The following PTH2R variants were observed in gnomAD, a reference collection of about 807,000 sequenced individuals.
PTH2R encodes parathyroid hormone 2 receptor, also known as PTH2 receptor.
A neutral mutation model predicts 60.3 loss-of-function variants in PTH2R; 59 were observed. The observed-to-expected ratio is 0.98, with a 90% CI of 0.79 to 1.22. PTH2R has a LOEUF of 1.22. PTH2R is among the 50% of genes most tolerant of loss of function. PTH2R has a pLI of 0.00. For synonymous variants in PTH2R, 256 were observed against 243.8 expected (o/e 1.05, Z -0.47); for missense variants, 749 against 682.6 (o/e 1.10, Z -1.08).
exon 1 of PTH2R, chr2:208,359,745 AG>A (rs1700403857): frequency 6.5e-6 from 1 of 153,348 alleles, no homozygotes. Flanking sequence ...CCACTACGTG[AG>A]GGGAGGCTTC....
At chr2:208,369,101 C>G (rs994451267) in intron 1 of PTH2R, among the ~76,000 whole-genome samples, 9 of 152,034 alleles carry the variant, frequency 5.9e-5, no homozygotes, top group African/African-American at 2.2e-4. Flanking sequence ...TGACCAGCAC[C>G]CATGACTATA....
At chr2:208,486,627 T>A (rs1358005580) in intron 10 of PTH2R, among the ~76,000 whole-genome samples, 1 of 152,182 alleles carries the variant, frequency 6.6e-6, no homozygotes, top group African/African-American at 2.4e-5. Context: ...CTTTCAAGGT[T>A]TTGCAAGTGA....
At chr2:208,463,081 G>T (rs1158820211) in intron 9 of PTH2R, among the ~76,000 whole-genome samples, 1 of 152,110 alleles carries the variant, frequency 6.6e-6, no homozygotes, top group Non-Finnish European at 1.5e-5. Context: ...AAGGACATGG[G>T]GCTGAGAGAG....
intron 12 of PTH2R, among the ~76,000 whole-genome samples, chr2:208,491,656 G>C (rs941799839): frequency 3.3e-5 from 5 of 151,986 alleles, no homozygotes; most frequent in Non-Finnish European, 5.9e-5. Context: ...GCAGCTGCAG[G>C]CACAGCCCCT....
In PTH2R at chr2:208,378,804, C is replaced by G. The variant is rs1396136196; in HGVS notation, c.-259+18567C>G. ...TTTGTTATAGCAGCCTGAATGGACT[C>G]AGGCGGTAGGCAAGAGGAGGACAGT... On this transcript the variant is annotated intron_variant, in intron 1 of 12. Coordinates refer to the PTH2R transcript ENST00000617735. 2.6e-5 allele frequency among the ~76,000 whole-genome samples: 4 copies of G among 152,122 alleles called. No homozygotes were observed. In the East Asian group the frequency reaches 5.8e-4, roughly 22 times the overall value.
In PTH2R at chr2:208,490,636, C is replaced by A. The variant is rs1396854279; in HGVS notation, c.1216-3C>A. 3.5e-5 allele frequency: 57 copies of A among 1,609,412 alleles called. No individual in the cohort carries two copies. Among genetic ancestry groups the A allele is most frequent in the Non-Finnish European group, 4.7e-5 (55 of 1,178,968 alleles). On this transcript the variant is annotated splice_polypyrimidine_tract_variant and splice_region_variant and intron_variant, in intron 11 of 12. Coordinates refer to ENST00000272847, the MANE Select transcript of PTH2R (RefSeq NM_005048.4). The stretch of plus-strand genomic sequence containing the variant: ...GTGGGCTGACTTTCTCTTTTGTCTG[C>A]AGGGTTTCTTTGTGTCTATCATCTA...
At chr2:208,402,885 C>T (rs183431158), upstream of PTH2R, among the ~76,000 whole-genome samples, 2 of 152,250 alleles carry the variant, frequency 1.3e-5, no homozygotes, top group East Asian at 1.9e-4. Context: ...TATAGGGGCA[C>T]GGTAGAATAG....
intron 1 of PTH2R, among the ~76,000 whole-genome samples, chr2:208,410,582 A>G (rs569187782): frequency 2.0e-5 from 3 of 152,206 alleles, no homozygotes; most frequent in Non-Finnish European, 4.4e-5. Context: ...ATAATGGGGT[A>G]TTGTGTAGCA....
chr2:208,466,192 AT>A (rs895603948), intron 9 of PTH2R: 22 of 151,596 alleles, frequency 1.5e-4, no homozygotes, highest in East Asian at 5.8e-4. Flanking sequence ...AGAGCTTTTC[AT>A]TTTTTTTTCT....
chr2:208,371,522 C>A (rs1458685655), intron 1 of PTH2R, among the ~76,000 whole-genome samples: 1 of 152,114 alleles, frequency 6.6e-6, no homozygotes, highest in African/African-American at 2.4e-5. Context: ...AACTTTTCTC[C>A]TGTTAATGTA....
At chr2:208,365,947 T>G (rs560409362) in intron 1 of PTH2R, among the ~76,000 whole-genome samples, 1 of 19,816 alleles carries the variant, frequency 5.0e-5, no homozygotes, top group African/African-American at 1.5e-4. Context: ...TATATATATA[T>G]ATATATATAT....
At chr2:208,485,289 C>A (rs760749678) in intron 10 of PTH2R, among the ~76,000 whole-genome samples, 1 of 152,172 alleles carries the variant, frequency 6.6e-6, no homozygotes, top group Non-Finnish European at 1.5e-5. Context: ...AGTCCCAAAA[C>A]CACCTGACTT....
intron 1 of PTH2R, among the ~76,000 whole-genome samples, chr2:208,401,650 G>A (rs13397965): frequency 0.13 from 19,073 of 151,808 alleles, 1,347 homozygotes; most frequent in African/African-American, 0.19. Flanking sequence ...TGTTCTGCCC[G>A]TCTCCTGCTT....
chr2:208,384,555 T>C (rs1700971071), intron 1 of PTH2R, among the ~76,000 whole-genome samples: 1 of 152,158 alleles, frequency 6.6e-6, no homozygotes, highest in Non-Finnish European at 1.5e-5. Context: ...TAAAAAAGAT[T>C]GTCAATTCAG....
At chr2:208,422,483 G>A (rs968799627) in intron 1 of PTH2R, among the ~76,000 whole-genome samples, 1 of 152,082 alleles carries the variant, frequency 6.6e-6, no homozygotes, top group African/African-American at 2.4e-5. Context: ...CTTTCCAAGA[G>A]AATATTATAT....
intron 1 of PTH2R, among the ~76,000 whole-genome samples, chr2:208,373,656 G>A (rs1471089114): frequency 6.6e-6 from 1 of 152,078 alleles, no homozygotes; most frequent in Non-Finnish European, 1.5e-5. Context: ...GCAGTGGTGA[G>A]CAGTGGCCAC....
At chr2:208,385,434 C>T (rs948465015) in intron 1 of PTH2R, among the ~76,000 whole-genome samples, 3 of 151,920 alleles carry the variant, frequency 2.0e-5, no homozygotes, top group African/African-American at 7.2e-5. Flanking sequence ...TGCAAATCAA[C>T]ACACCTTTCC....
intron 1 of PTH2R, among the ~76,000 whole-genome samples, chr2:208,377,258 C>T (rs1574818852): frequency 1.3e-5 from 2 of 152,226 alleles, no homozygotes; most frequent in East Asian, 3.9e-4. Context: ...ATGAAGTCTC[C>T]CATGTCTACT....
At chr2:208,385,691 T>C (rs1384935694) in intron 1 of PTH2R, among the ~76,000 whole-genome samples, 1 of 152,248 alleles carries the variant, frequency 6.6e-6, no homozygotes, top group African/African-American at 2.4e-5. Context: ...TTAAGTCAAA[T>C]GTATTTGTAG....
Sources: allele counts gnomAD v4.1 joint callset (sites outside exome capture counted in the v4.1 genomes callset), GRCh38; gene constraint gnomAD v4.1.1; transcripts MANE v1.5; gene names NCBI Gene and HGNC (gene_info 2026-07-23, HGNC 2026-07-21).